The following N4BP3 variants were observed in gnomAD, a reference collection of about 807,000 sequenced individuals.
N4BP3 encodes NEDD4-binding protein 3.
Under a neutral mutation model 43.8 loss-of-function variants are expected in N4BP3, and 33 were observed. The observed-to-expected ratio is 0.75, with a 90% CI of 0.57 to 1.01. N4BP3 has a LOEUF of 1.01. Ranked by LOEUF, N4BP3 falls within the 50% of genes least tolerant of loss-of-function variation. N4BP3 has a pLI of 0.00. For missense variants in N4BP3, 756 were observed against 744.2 expected (o/e 1.02, Z -0.18); for synonymous variants, 326 against 321.9 (o/e 1.01, Z -0.14).
rs181722031 is a variant in N4BP3, at chr5:178,119,745, G to A, written c.162G>A (p.Glu54=). ...TCCGGAAGGGCTTGGGCCAGCGTGA[G>A]TTCCTCAGCTACCTGCACCTCCCCA... ...GLLRKGLGQR[E]FLSYLHLPKK... Residue 54 remains glutamate, a synonymous_variant, in exon 2 of 5, where the codon GAG becomes GAA. Coordinates refer to ENST00000274605, the MANE Select transcript of N4BP3 (RefSeq NM_015111.2). 6.2e-7 allele frequency: 1 copy of A among 1,613,588 alleles called. No individual in the cohort carries two copies.
chr5:178,117,995 G>A (rs1757811914), intron 1 of N4BP3, among the ~76,000 whole-genome samples: 1 of 152,190 alleles, frequency 6.6e-6, no homozygotes, highest in South Asian at 2.1e-4. Flanking sequence ...TGGGTGCCCG[G>A]AAGCATGGGT....
At position 178,121,771 on chromosome 5, in the gene N4BP3, C is replaced by T. The variant is rs753699896; in HGVS notation, c.1405C>T (p.Arg469Trp). Residue 469 changes from arginine to tryptophan, a missense_variant, in exon 5 of 5, where the codon CGG becomes TGG. Transcript: ENST00000274605. ...SEARDSAEQLRAELLQERLRG... is the reference protein window; with the variant it reads ...SEARDSAEQLWAELLQERLRG... ...GGCCAGAGACAGTGCTGAGCAGCTG[C>T]GGGCTGAGCTGCTGCAGGAGCGACT... The T allele has an allele frequency of 4.6e-5, 74 of 1,608,080 alleles. No homozygotes were observed. The highest frequency in any genetic ancestry group is 2.2e-4 in the East Asian group (10 of 44,866).
Position 178,121,772 on chromosome 5 carries a change from G to T in N4BP3, c.1406G>T (p.Arg469Leu), listed in dbSNP as rs1457915583. 3 of 1,608,232 alleles carry T rather than the reference G, an allele frequency of 1.9e-6. No homozygotes were observed. Among genetic ancestry groups the T allele is most frequent in the Non-Finnish European group, 1.7e-6 (2 of 1,179,660 alleles). ...GCCAGAGACAGTGCTGAGCAGCTGCGGGCTGAGCTGCTGCAGGAGCGACTT... is the reference window on the plus strand; with the variant it reads ...GCCAGAGACAGTGCTGAGCAGCTGCTGGCTGAGCTGCTGCAGGAGCGACTT... ...SEARDSAEQL[R>L]AELLQERLRG... is the part of the protein sequence containing the mutation. Residue 469 changes from arginine (R) to leucine (L), a missense_variant, in exon 5 of 5, where the codon CGG (arginine) becomes CTG (leucine). Arg to Leu is a moderately radical substitution (Grantham distance 102). Transcript: ENST00000274605.
rs1401278950 is a variant in N4BP3, at chr5:178,122,382, G to A, written c.*381G>A. 1.4e-5 allele frequency: 3 copies of A among 208,104 alleles called. No individual in the cohort carries two copies. Among genetic ancestry groups the A allele is most frequent in the Non-Finnish European group, 2.9e-5 (3 of 103,358 alleles). The allele number at this position is 208,104 out of a possible 1,614,324, so 12.9% of individuals were successfully genotyped here. ...GGGGTGGGAACACTGGCCTCCCCCA[G>A]AATAAAACCATGTTTTCTACCAGAG... On this transcript the variant is annotated 3_prime_UTR_variant, in exon 5 of 5. Coordinates refer to ENST00000274605, the MANE Select transcript of N4BP3 (RefSeq NM_015111.2).
In N4BP3 at chr5:178,120,402, G is replaced by A. The variant is rs200709059; in HGVS notation, c.555G>A (p.Glu185=). ...TAGATGAGGGCGGCCCTGAGCCCGA[G>A]CCCAGCCTGTCCGACTCCTCCAGTG... The part of the protein sequence containing the change: ...LSLDEGGPEP[E]PSLSDSSSGG... The change falls in exon 3 of 5, where the codon GAG becomes GAA. Residue 185 remains glutamate, a synonymous_variant. Transcript: ENST00000274605. 1.9e-6 allele frequency: 3 copies of A among 1,612,918 alleles called. No individual in the cohort carries two copies. Among genetic ancestry groups the A allele is most frequent in the African/African-American group, 2.7e-5 (2 of 75,038 alleles).
At chr5:178,121,445 A>G (rs773651630) in intron 4 of N4BP3, 29 bp from the exon 5 acceptor site, 2 of 1,613,364 alleles carry the variant, frequency 1.2e-6, no homozygotes, top group African/African-American at 1.3e-5. Flanking sequence ...CCCACACCCT[A>G]CTTTGCTTGC....
chr5:178,121,391 C>T (rs765680478), intron 4 of N4BP3, 39 bp downstream of exon 4: 4 of 1,611,252 alleles, frequency 2.5e-6, no homozygotes, highest in East Asian at 2.2e-5. Context: ...CTCCCATCTC[C>T]ATTGCCGGTC....
chr5:178,125,962 A>G lies in N4BP3; in HGVS notation c.*3961A>G, dbSNP rs1395573141. The G allele has an allele frequency of 6.6e-6, 1 of 152,128 alleles. No homozygotes were observed. The highest frequency in any genetic ancestry group is 1.5e-5 in the Non-Finnish European group (1 of 68,034). 9.4% of individuals were successfully genotyped at this position (152,128 alleles called of 1,614,324 possible). A position where few individuals can be genotyped will look rare whatever the true frequency, so the allele number is the denominator to read the frequency against. On this transcript the variant is annotated 3_prime_UTR_variant, in exon 5 of 5. Coordinates refer to ENST00000274605, the MANE Select transcript of N4BP3 (RefSeq NM_015111.2). Reference sequence around the variant, plus strand: ...ATATGTAATATTAGAACATATTACAAAGTAGCAAGAAAAATACGACATTGG... The same window carrying G: ...ATATGTAATATTAGAACATATTACAGAGTAGCAAGAAAAATACGACATTGG...
Position 178,125,428 on chromosome 5 carries a change from G to A in N4BP3, c.*3427G>A, listed in dbSNP as rs949858351. The A allele has an allele frequency of 6.6e-6, 1 of 152,442 alleles. No homozygotes were observed. Among genetic ancestry groups the A allele is most frequent in the Non-Finnish European group, 1.5e-5 (1 of 68,202 alleles). 9.4% of individuals were successfully genotyped at this position (152,442 alleles called of 1,614,324 possible). ...TCAGCAGAGCATGGAGCAGGCAGAGGAAGCCTATCTGTGGGGCTGGGTACA... is the reference window on the plus strand; with the variant it reads ...TCAGCAGAGCATGGAGCAGGCAGAGAAAGCCTATCTGTGGGGCTGGGTACA... On this transcript the variant is annotated 3_prime_UTR_variant, in exon 5 of 5. Coordinates refer to ENST00000274605, the MANE Select transcript of N4BP3 (RefSeq NM_015111.2).
rs1757965504 is a variant in N4BP3 at position 178,122,809 on chromosome 5, C to T, written c.*808C>T. 1 of 152,242 alleles carries T rather than the reference C, an allele frequency of 6.6e-6. No individual in the cohort carries two copies. The highest frequency in any genetic ancestry group is 1.5e-5 in the Non-Finnish European group (1 of 68,050). The allele number at this position is 152,242 out of a possible 1,614,324, so 9.4% of individuals were successfully genotyped here. Reference sequence around the variant, plus strand: ...GCACCCACCTCCTGTCTCCCTCCCTCCCTCCATAGGAGTGGGGGGCCCCTA... The same window carrying T: ...GCACCCACCTCCTGTCTCCCTCCCTTCCTCCATAGGAGTGGGGGGCCCCTA... On this transcript the variant is annotated 3_prime_UTR_variant, in exon 5 of 5. Transcript: ENST00000274605.
chr5:178,119,675 C>A lies in N4BP3; in HGVS notation c.92C>A (p.Ala31Glu), dbSNP rs372163473. 6.2e-7 allele frequency: 1 copy of A among 1,609,116 alleles called. No homozygotes were observed. The highest frequency in any genetic ancestry group is 8.5e-7 in the Non-Finnish European group (1 of 1,178,028). ...GACTTCTCCCCTGAAGAGCTGCGGG[C>A]GGCACTTGCCGGGTCTCGGGGCTCC... ...RQDFSPEELR[A>E]ALAGSRGSRQ... Residue 31 changes from alanine (A) to glutamate (E), a missense_variant, in exon 2 of 5, where the codon GCG becomes GAG. Transcript: ENST00000274605.
rs553191643 is a variant in N4BP3 at position 178,120,791 on chromosome 5, C to G, written c.852+92C>G. The G allele has an allele frequency of 1.1e-5, 16 of 1,428,420 alleles. No individual in the cohort carries two copies. The South Asian group carries it at 2.2e-4, about 20-fold the overall frequency. The allele number at this position is 1,428,420 out of a possible 1,614,324, so 88.5% of individuals were successfully genotyped here. A position where few individuals can be genotyped will look rare whatever the true frequency, so the allele number is the denominator to read the frequency against. On this transcript the variant is annotated intron_variant, in intron 3 of 4. Coordinates refer to ENST00000274605, the MANE Select transcript of N4BP3 (RefSeq NM_015111.2). ...GGCCCCAGCCAGTTCACCCACGTGGCCGTGGACACAAGAGAGCAAGAAAGG... is the reference window on the plus strand; with the variant it reads ...GGCCCCAGCCAGTTCACCCACGTGGGCGTGGACACAAGAGAGCAAGAAAGG...
Position 178,121,530 on chromosome 5 carries a change from G to A in N4BP3, c.1164G>A (p.Gln388=), listed in dbSNP as rs200187201. 6.2e-7 allele frequency: 1 copy of A among 1,613,896 alleles called. No individual in the cohort carries two copies. Among genetic ancestry groups the A allele is most frequent in the African/African-American group, 1.3e-5 (1 of 75,066 alleles). The change falls in exon 5 of 5, where the codon CAG becomes CAA. Residue 388 remains glutamine, a synonymous_variant. Transcript: ENST00000274605. ...TGAAGCAGCAGCTGCGTGAAGCCCA[G>A]GCGGAACTGGCCCAGAAGCTGGCGG... ...SLLKQQLREA[Q]AELAQKLAEI... is the part of the protein sequence containing the mutation.
chr5:178,121,311 G>C lies in N4BP3; in HGVS notation c.1066G>C (p.Ala356Pro). The change falls in exon 4 of 5, where the codon GCT (alanine) becomes CCT (proline). Residue 356 changes from alanine to proline, a missense_variant. Ala to Pro is a conservative substitution (Grantham distance 27). Transcript: ENST00000274605. The part of the protein sequence containing the change: ...EPRAPGTLPE[A>P]DPSARPEEEA... ...TCGGGCCCCCGGCACCCTCCCAGAG[G>C]CTGACCCCAGTGCACGACCAGAGGA... The C allele has an allele frequency of 6.2e-7, 1 of 1,605,398 alleles. No homozygotes were observed. Among genetic ancestry groups the C allele is most frequent in the Non-Finnish European group, 8.5e-7 (1 of 1,174,912 alleles).
intron 1 of N4BP3, among the ~76,000 whole-genome samples, chr5:178,117,686 G>A (rs775287261): frequency 6.6e-6 from 1 of 151,066 alleles, no homozygotes; most frequent in Non-Finnish European, 1.5e-5. Flanking sequence ...CCGTATGCAG[G>A]GCCAAGTCGC....
At chr5:178,116,648 CAT>C (rs1491442957) in intron 1 of N4BP3, among the ~76,000 whole-genome samples, 1 of 152,208 alleles carries the variant, frequency 6.6e-6, no homozygotes, top group Non-Finnish European at 1.5e-5. Flanking sequence ...GTGGGGCTGA[CAT>C]GTGGCACACC....
intron 2 of N4BP3, 76 bp downstream of exon 2, chr5:178,119,989 G>C (rs13163671): frequency 5.4e-6 from 8 of 1,492,238 alleles, no homozygotes; most frequent in South Asian, 3.9e-5. Context: ...TTGGGATGGG[G>C]TGGGGACGGG....
At position 178,121,458 on chromosome 5, in the gene N4BP3, C is replaced by T. The variant is rs560005247; in HGVS notation, c.1108-16C>T. On this transcript the variant is annotated splice_polypyrimidine_tract_variant and intron_variant, in intron 4 of 4. Transcript: ENST00000274605. Reference sequence around the variant, plus strand: ...TCCCCACACCCTACTTTGCTTGCGTCCTCCCCATCCCCCAGGTGTGCCAGA... The same window carrying T: ...TCCCCACACCCTACTTTGCTTGCGTTCTCCCCATCCCCCAGGTGTGCCAGA... 33 of 1,613,872 alleles carry T rather than the reference C, an allele frequency of 2.0e-5. No individual in the cohort carries two copies. The South Asian group carries it at 3.3e-4, about 16-fold the overall frequency.
chr5:178,126,706 T>A (rs1758071875), downstream of N4BP3, among the ~76,000 whole-genome samples: 2 of 152,172 alleles, frequency 1.3e-5, 1 homozygote, highest in South Asian at 4.1e-4. Flanking sequence ...GCAGAAGGAA[T>A]GCCATTGTCT....
Sources: gnomAD v4.1 joint callset for allele counts (sites outside exome capture counted in the v4.1 genomes callset) on GRCh38, gnomAD v4.1.1 for gene constraint, MANE v1.5 for transcripts, NCBI Gene and HGNC (gene_info 2026-07-23, HGNC 2026-07-21) for gene names.